Variants in KIAA1191 observed in about 807,000 individuals in gnomAD.
KIAA1191 encodes KIAA1191, also known as putative monooxygenase p33MONOX.
A neutral mutation model predicts 31.1 loss-of-function variants in KIAA1191; 22 were observed. The ratio of observed to expected loss-of-function variants is 0.71; its 90% CI spans 0.51 to 1.01. The LOEUF (loss-of-function observed/expected upper bound fraction) is 1.01, where lower values mean the gene tolerates loss of function less well. Among genes scored for constraint, KIAA1191 ranks in the 50% least tolerant of loss-of-function variants. KIAA1191 has a pLI of 0.00. For synonymous variants in KIAA1191, 130 were observed against 143.9 expected, an observed-to-expected ratio of 0.90 and a Z score of 0.69; for missense variants, 319 against 388.0, an observed-to-expected ratio of 0.82 and a Z score of 1.49.
Position 176,346,893 on chromosome 5 carries a change from A to G in KIAA1191, c.*707T>C, listed in dbSNP as rs1019553875. 8 of 152,264 alleles carry G rather than the reference A, an allele frequency of 5.3e-5. No individual in the cohort carries two copies. The highest frequency in any genetic ancestry group is 1.9e-4 in the African/African-American group (8 of 41,474). 9.4% of individuals were successfully genotyped at this position (152,264 alleles called of 1,614,324 possible). On this transcript the variant is annotated 3_prime_UTR_variant, in exon 9 of 9. Transcript: ENST00000298569. ...AGGGCCAAAGTCGTCTTAGCGAGTC[A>G]GTGAGCACCTCTAAGCCATGATTTG...
chr5:176,347,473 T>G lies in KIAA1191; in HGVS notation c.*127A>C. ...ACCTTGGCCTCCCAAAGTGCTGGGATTACAGGCGTGAGCCACCACGCCCAG... is the reference window on the plus strand; with the variant it reads ...ACCTTGGCCTCCCAAAGTGCTGGGAGTACAGGCGTGAGCCACCACGCCCAG... On this transcript the variant is annotated 3_prime_UTR_variant, in exon 9 of 9. Coordinates refer to ENST00000298569, the MANE Select transcript of KIAA1191 (RefSeq NM_020444.5). 1 of 733,176 alleles carries G rather than the reference T, an allele frequency of 1.4e-6. No homozygotes were observed. Among genetic ancestry groups the G allele is most frequent in the Non-Finnish European group, 2.0e-6 (1 of 489,354 alleles). 45.4% of individuals were successfully genotyped at this position (733,176 alleles called of 1,614,324 possible). A position where few individuals can be genotyped will look rare whatever the true frequency, so the allele number is the denominator to read the frequency against.
chr5:176,350,719 A>G lies in KIAA1191; in HGVS notation c.353T>C (p.Ile118Thr). Residue 118 changes from isoleucine (I) to threonine (T), a missense_variant, in exon 6 of 9, where the codon ATT becomes ACT. By Grantham distance (89) the Ile-to-Thr change is moderately conservative (BLOSUM62 -1). Transcript: ENST00000298569. The stretch of plus-strand genomic sequence containing the variant: ...CCCTGCCTGTCGCTCAAAATGCTGA[A>G]TGCTTTCCTGGGTCTGTTCTGGGAA... ...SLITKQTQES[I>T]QHFERQAGLR... is the part of the protein sequence containing the mutation. 2.5e-6 allele frequency: 4 copies of G among 1,614,090 alleles called. No homozygotes were observed. The highest frequency in any genetic ancestry group is 3.4e-6 in the Non-Finnish European group (4 of 1,180,012).
intron 3 of KIAA1191, 108 bp downstream of exon 3, chr5:176,359,373 G>T: frequency 3.1e-6 from 3 of 970,768 alleles, no homozygotes; most frequent in Non-Finnish European, 4.9e-6. Flanking sequence ...ATACTCGCTT[G>T]GTAGCAGAGA....
chr5:176,352,097 T>G (rs1443846009), intron 5 of KIAA1191, among the ~76,000 whole-genome samples: 2 of 150,204 alleles, frequency 1.3e-5, no homozygotes, highest in East Asian at 3.9e-4. Flanking sequence ...CATACATTCT[T>G]AAGACTAAAG....
In KIAA1191 at chr5:176,346,107, T is replaced by G. The variant is rs921293919; in HGVS notation, c.*1493A>C. 6.6e-6 allele frequency: 1 copy of G among 152,186 alleles called. No individual in the cohort carries two copies. The highest frequency in any genetic ancestry group is 1.5e-5 in the Non-Finnish European group (1 of 68,032). The allele number at this position is 152,186 out of a possible 1,614,324, so 9.4% of individuals were successfully genotyped here. A position where few individuals can be genotyped will look rare whatever the true frequency, so the allele number is the denominator to read the frequency against. ...TTTTATTGTCAAAACGAGATCATAA[T>G]AGAAGACACAAATAAATTAATTGTT... On this transcript the variant is annotated 3_prime_UTR_variant, in exon 9 of 9. Transcript: ENST00000298569.
chr5:176,358,239 A>G (rs1767668721), intron 3 of KIAA1191, among the ~76,000 whole-genome samples: 1 of 151,988 alleles, frequency 6.6e-6, no homozygotes, highest in Non-Finnish European at 1.5e-5. Context: ...CCTCCCCATC[A>G]CCCCCAAAAA....
chr5:176,355,708 TGGGCA>T lies in KIAA1191; in HGVS notation c.65_69del (p.Leu22HisfsTer11), dbSNP rs1445755537. On this transcript the variant is annotated frameshift_variant, in exon 4 of 9. Coordinates refer to ENST00000298569, the MANE Select transcript of KIAA1191 (RefSeq NM_020444.5). LOFTEE classifies it high-confidence loss of function. This position sits in a 1 kb window ranked among gnomAD's most constrained non-coding sequence, Gnocchi z 4.2. The stretch of plus-strand genomic sequence containing the variant: ...CTGACTGCCCGGCGGTATATCCCGA[TGGGCA>T]GGGACATCTTGCCTAGAGGCGCACT... 6.2e-7 allele frequency: 1 copy of T among 1,613,782 alleles called. No homozygotes were observed. Among genetic ancestry groups the T allele is most frequent in the Non-Finnish European group, 8.5e-7 (1 of 1,180,032 alleles).
chr5:176,353,273 G>T (rs1767200247), intron 4 of KIAA1191: 1 of 152,324 alleles, frequency 6.6e-6, no homozygotes. Flanking sequence ...GATGCTGCCG[G>T]TCCCAAGACC....
At position 176,355,273 on chromosome 5, in the gene KIAA1191, T is replaced by C. The variant is rs1767404216; in HGVS notation, c.207+298A>G. 6.6e-6 allele frequency among the ~76,000 whole-genome samples: 1 copy of C among 152,006 alleles called. No individual in the cohort carries two copies. The highest frequency in any genetic ancestry group is 1.5e-5 in the Non-Finnish European group (1 of 67,986). On this transcript the variant is annotated intron_variant, in intron 4 of 8. Coordinates refer to ENST00000298569, the MANE Select transcript of KIAA1191 (RefSeq NM_020444.5). The surrounding 1 kb of genome is among the most constrained non-coding windows in gnomAD (Gnocchi z 4.2). ...GGAGGGAGATTTAAAAAACCATCTA[T>C]TGGGTACACTGTACACTATTCGGGT...
chr5:176,349,575 A>C (rs1301992268), intron 6 of KIAA1191, among the ~76,000 whole-genome samples: 1 of 152,100 alleles, frequency 6.6e-6, no homozygotes, highest in Non-Finnish European at 1.5e-5. Flanking sequence ...TGGGAGGCTG[A>C]GTTGGGAGGA....
At chr5:176,354,787 AG>A (rs1767357544) in intron 4 of KIAA1191, among the ~76,000 whole-genome samples, 1 of 152,196 alleles carries the variant, frequency 6.6e-6, no homozygotes, top group African/African-American at 2.4e-5. Flanking sequence ...CCCTGTCCTC[AG>A]GAAGCTAATG....
At chr5:176,352,902 A>ACCTCCACCATCTCTATG (rs1767159262) in intron 4 of KIAA1191, among the ~76,000 whole-genome samples, 154 bp from the exon 5 acceptor site, 2 of 152,220 alleles carry the variant, frequency 1.3e-5, no homozygotes, top group African/African-American at 4.8e-5. Flanking sequence ...CCACCCAGCT[A>ACCTCCACCATCTCTATG]GATAGGTATT....
In KIAA1191 at chr5:176,348,054, G is replaced by A; in HGVS notation, c.576C>T (p.Phe192=). 1 of 1,613,626 alleles carries A rather than the reference G, an allele frequency of 6.2e-7. No individual in the cohort carries two copies. Among genetic ancestry groups the A allele is most frequent in the Non-Finnish European group, 8.5e-7 (1 of 1,179,826 alleles). ...GTAAGGCTGTGGAAGAACCAGAAGTGAACCAGCCCCTGGGAAAGAAAGAAC... is the reference window on the plus strand; with the variant it reads ...GTAAGGCTGTGGAAGAACCAGAAGTAAACCAGCCCCTGGGAAAGAAAGAAC... ...SSPKQRPRGW[F]TSGSSTALPG... Residue 192 remains phenylalanine (F), a synonymous_variant, in exon 8 of 9, where the codon TTC becomes TTT. Transcript: ENST00000298569.
chr5:176,349,056 A>G (rs1005330115), intron 6 of KIAA1191: 1 of 152,372 alleles, frequency 6.6e-6, no homozygotes, highest in Non-Finnish European at 1.5e-5. Flanking sequence ...CAAACGCTCA[A>G]CAGATCCATT....
At chr5:176,353,073 C>T (rs532956887) in intron 4 of KIAA1191, 227 of 203,438 alleles carry the variant, frequency 1.1e-3, no homozygotes, top group African/African-American at 4.9e-3. Context: ...ATGCTTATTA[C>T]GAAGCACTGA....
Position 176,355,878 on chromosome 5 carries a change from G to A in KIAA1191, c.29-129C>T. ...ACAGAGCAAAATAGCTTGTTTTGGA[G>A]TAGCTAATCCCATCCAGGAAAGGCA... On this transcript the variant is annotated intron_variant, in intron 3 of 8. Transcript: ENST00000298569. The surrounding 1 kb of genome is among the most constrained non-coding windows in gnomAD (Gnocchi z 4.2). The A allele has an allele frequency of 3.4e-6, 3 of 890,884 alleles. No homozygotes were observed. In the South Asian group the frequency reaches 4.3e-5, roughly 13 times the overall value. The allele number at this position is 890,884 out of a possible 1,614,324, so 55.2% of individuals were successfully genotyped here.
chr5:176,359,538 A>G lies in KIAA1191; in HGVS notation c.-30T>C. On this transcript the variant is annotated 5_prime_UTR_variant, in exon 3 of 9. Transcript: ENST00000298569. ...AGACTGGGATCCAGGTGCTTTTTCT[A>G]TACAGAATTCCGAGCTGAGTCCCTG... 3 of 1,600,416 alleles carry G rather than the reference A, an allele frequency of 1.9e-6. No individual in the cohort carries two copies. The highest frequency in any genetic ancestry group is 4.5e-5 in the East Asian group (2 of 44,750).
intron 3 of KIAA1191, among the ~76,000 whole-genome samples, chr5:176,358,827 G>A (rs1767720595): frequency 1.3e-5 from 2 of 152,286 alleles, no homozygotes; most frequent in Non-Finnish European, 2.9e-5. Context: ...GCTCACGCCT[G>A]TAATCCCATT....
chr5:176,356,852 A>T (rs1432787476), intron 3 of KIAA1191, among the ~76,000 whole-genome samples: 2 of 152,246 alleles, frequency 1.3e-5, no homozygotes, highest in Non-Finnish European at 2.9e-5. Flanking sequence ...TTAAACGGCA[A>T]GGGGACCAAG....
Sources: gnomAD v4.1 joint callset for allele counts (sites outside exome capture counted in the v4.1 genomes callset) on GRCh38, gnomAD v4.1.1 for gene constraint, Gnocchi (gnomAD v3.1) non-coding constraint, MANE v1.5 for transcripts, NCBI Gene and HGNC (gene_info 2026-07-23, HGNC 2026-07-21) for gene names.